Variants in CCSER1 observed in about 807,000 individuals in gnomAD.
CCSER1 encodes the protein coiled-coil serine rich protein 1.
A neutral mutation model predicts 82.0 loss-of-function variants in CCSER1; 41 were observed. That is an observed-to-expected ratio of 0.50 (90% CI 0.39 to 0.65). The LOEUF (loss-of-function observed/expected upper bound fraction) is 0.65. CCSER1 is among the 30% of genes least tolerant of loss of function. The probability of loss-of-function intolerance (pLI) is 0.00; values close to 1 mark genes in which losing one functional copy is unlikely to be tolerated. For missense variants in CCSER1, 1,119 were observed against 1,064.2 expected (o/e 1.05, Z -0.72); for synonymous variants, 414 against 383.9 (o/e 1.08, Z -0.92).
intron 10 of CCSER1, among the ~76,000 whole-genome samples, chr4:91,510,026 T>C (rs1325042255): frequency 2.0e-5 from 3 of 151,786 alleles, no homozygotes; most frequent in Non-Finnish European, 4.4e-5. Flanking sequence ...CCATCCCATA[T>C]AGCCTTGTGT....
At chr4:91,415,171 A>G (rs912652984) in intron 10 of CCSER1, among the ~76,000 whole-genome samples, 1 of 152,118 alleles carries the variant, frequency 6.6e-6, no homozygotes, top group Non-Finnish European at 1.5e-5. Context: ...CAAGATAGCA[A>G]TTGTGAATGG....
At chr4:91,319,108 C>T (rs192480076) in intron 10 of CCSER1, 43 of 277,334 alleles carry the variant, frequency 1.6e-4, no homozygotes, top group Admixed American at 1.1e-3. Flanking sequence ...TTAAGACAGA[C>T]GGTATCAGCT....
At chr4:90,495,322 T>C (rs1768819006) in intron 5 of CCSER1, among the ~76,000 whole-genome samples, 1 of 152,160 alleles carries the variant, frequency 6.6e-6, no homozygotes, top group Non-Finnish European at 1.5e-5. Context: ...ATTAGTGTTG[T>C]TATGAATTTG....
At chr4:91,111,323 T>C (rs1054880730) in intron 10 of CCSER1, among the ~76,000 whole-genome samples, 1 of 151,988 alleles carries the variant, frequency 6.6e-6, no homozygotes, top group Non-Finnish European at 1.5e-5. Context: ...GAAAGAAGAT[T>C]AACTGATTGC....
chr4:90,418,362 T>G (rs1219129426), intron 4 of CCSER1, among the ~76,000 whole-genome samples: 1 of 152,086 alleles, frequency 6.6e-6, no homozygotes, highest in East Asian at 1.9e-4. Flanking sequence ...GTGGAAAATC[T>G]TAACATTTTT....
intron 10 of CCSER1, among the ~76,000 whole-genome samples, chr4:91,210,034 G>A (rs1736678868): frequency 6.6e-6 from 1 of 151,692 alleles, no homozygotes; most frequent in Non-Finnish European, 1.5e-5. Context: ...GGCTAGGGTA[G>A]GGAAAGTACG....
Position 91,598,783 on chromosome 4 carries a change from A to G in CCSER1, c.2429A>G (p.Tyr810Cys), listed in dbSNP as rs1420946818. 1 of 1,551,692 alleles carries G rather than the reference A, an allele frequency of 6.4e-7. No homozygotes were observed. The highest frequency in any genetic ancestry group is 1.2e-5 in the South Asian group (1 of 84,064). Reference sequence around the variant, plus strand: ...GTTATCAAACATTCAAGAGGAACTTATGAAACCCTCACTTCAGACGTTACA... The same window carrying G: ...GTTATCAAACATTCAAGAGGAACTTGTGAAACCCTCACTTCAGACGTTACA... ...AEVIKHSRGT[Y>C]ETLTSDVTQN... Residue 810 changes from tyrosine (Y) to cysteine (C), a missense_variant, in exon 11 of 11, where the codon TAT (tyrosine) becomes TGT (cysteine). By Grantham distance (194) the Tyr-to-Cys change is radical. Coordinates refer to ENST00000509176, the MANE Select transcript of CCSER1 (RefSeq NM_001145065.2).
At chr4:91,100,188 G>GTT (rs1724915469) in intron 10 of CCSER1, among the ~76,000 whole-genome samples, 1 of 128,086 alleles carries the variant, frequency 7.8e-6, no homozygotes, top group Non-Finnish European at 1.8e-5. Context: ...ATTTGGGCAA[G>GTT]ATAAAAAAAA....
At chr4:90,891,842 T>C (rs1723009112) in intron 8 of CCSER1, among the ~76,000 whole-genome samples, 1 of 152,118 alleles carries the variant, frequency 6.6e-6, no homozygotes, top group South Asian at 2.1e-4. Flanking sequence ...TTTCAAATAC[T>C]GCTCTAAAGT....
At chr4:90,163,202 A>G (rs1729785415) in intron 1 of CCSER1, among the ~76,000 whole-genome samples, 1 of 152,124 alleles carries the variant, frequency 6.6e-6, no homozygotes, top group Non-Finnish European at 1.5e-5. Context: ...ATGATGCTAA[A>G]TTTAAGCATT....
At chr4:91,462,697 C>T (rs1290802557) in intron 10 of CCSER1, among the ~76,000 whole-genome samples, 1 of 152,202 alleles carries the variant, frequency 6.6e-6, no homozygotes, top group East Asian at 1.9e-4. Flanking sequence ...GCAAATGGCA[C>T]ACCAGGAGAT....
At chr4:90,625,672 A>G (rs925485888) in intron 5 of CCSER1, among the ~76,000 whole-genome samples, 2 of 152,226 alleles carry the variant, frequency 1.3e-5, no homozygotes, top group East Asian at 1.9e-4. Flanking sequence ...ACAGAATCCT[A>G]TTAATCTCTG....
intron 10 of CCSER1, among the ~76,000 whole-genome samples, chr4:91,441,057 A>T (rs1258322506): frequency 6.6e-6 from 1 of 152,116 alleles, no homozygotes; most frequent in Admixed American, 6.5e-5. Flanking sequence ...AGGAACTGGT[A>T]CCATTCCTTC....
chr4:90,811,054 G>A (rs75966009), intron 7 of CCSER1, among the ~76,000 whole-genome samples: 20,091 of 151,786 alleles, frequency 0.13, 1,603 homozygotes, highest in Non-Finnish European at 0.18. Context: ...GGATGGTCTC[G>A]ATCTCCTGTC....
At chr4:90,395,821 C>G (rs752937739) in intron 3 of CCSER1, among the ~76,000 whole-genome samples, 21 of 151,826 alleles carry the variant, frequency 1.4e-4, no homozygotes, top group Non-Finnish European at 2.2e-4. Context: ...TGCCTGTAAT[C>G]CCAGCACTTT....
chr4:91,099,120 C>G (rs1724806260), intron 10 of CCSER1, among the ~76,000 whole-genome samples: 1 of 152,084 alleles, frequency 6.6e-6, no homozygotes, highest in African/African-American at 2.4e-5. Flanking sequence ...CTTGCTTCTA[C>G]TTGTATGTTT....
chr4:91,133,587 G>T (rs921666193), intron 10 of CCSER1, among the ~76,000 whole-genome samples: 1 of 152,148 alleles, frequency 6.6e-6, no homozygotes, highest in Non-Finnish European at 1.5e-5. Flanking sequence ...GTAGATAGAT[G>T]AGATAATGTG....
intron 5 of CCSER1, among the ~76,000 whole-genome samples, chr4:90,554,722 T>C (rs1243341318): frequency 6.6e-6 from 1 of 152,236 alleles, no homozygotes; most frequent in African/African-American, 2.4e-5. Flanking sequence ...AACTTATCTT[T>C]CTGTAAGTGA....
chr4:90,950,031 A>AG (rs1184617499), intron 9 of CCSER1, among the ~76,000 whole-genome samples: 2 of 152,098 alleles, frequency 1.3e-5, no homozygotes, highest in African/African-American at 4.8e-5. Context: ...TGGTGATAGG[A>AG]GTGATTATCT....
Sources: gnomAD v4.1 joint callset for allele counts (sites outside exome capture counted in the v4.1 genomes callset) on GRCh38, gnomAD v4.1.1 for gene constraint, MANE v1.5 for transcripts, NCBI Gene and HGNC (gene_info 2026-07-23, HGNC 2026-07-21) for gene names.